Variants in PDE11A observed in about 807,000 individuals in gnomAD.
PDE11A encodes the protein dual 3',5'-cyclic-AMP and -GMP phosphodiesterase 11A.
A neutral mutation model predicts 100.5 loss-of-function variants in PDE11A; 100 were observed. The ratio of observed to expected loss-of-function variants is 1.00; its 90% confidence interval spans 0.85 to 1.18. The LOEUF (loss-of-function observed/expected upper bound fraction) is 1.18, where lower values mean the gene tolerates loss of function less well. Among genes scored for constraint, PDE11A ranks in the 50% most tolerant of loss-of-function variants. The pLI is 0.00. For synonymous variants in PDE11A, 381 were observed against 420.8 expected, an observed-to-expected ratio of 0.91 and a Z score of 1.16; for missense variants, 1,141 against 1,152.6, an observed-to-expected ratio of 0.99 and a Z score of 0.15.
intron 19 of PDE11A, among the ~76,000 whole-genome samples, chr2:177,641,974 T>A (rs190007132): frequency 1.2e-3 from 181 of 152,266 alleles, no homozygotes; most frequent in Admixed American, 3.9e-3. Context: ...AAAATCAGGC[T>A]CAGAAAGGCT....
chr2:177,799,369 T>C (rs1421564011), intron 9 of PDE11A, among the ~76,000 whole-genome samples: 3 of 152,186 alleles, frequency 2.0e-5, no homozygotes, highest in Non-Finnish European at 4.4e-5. Context: ...AAATGTACCA[T>C]ATCTTAATAG....
chr2:177,718,699 T>G (rs1398224383), intron 12 of PDE11A, among the ~76,000 whole-genome samples: 1 of 152,250 alleles, frequency 6.6e-6, no homozygotes, highest in Non-Finnish European at 1.5e-5. Flanking sequence ...TTATCAGTAG[T>G]GGAATTACAG....
intron 12 of PDE11A, among the ~76,000 whole-genome samples, chr2:177,714,321 A>G (rs1230289811): frequency 2.0e-5 from 3 of 152,158 alleles, no homozygotes; most frequent in Non-Finnish European, 4.4e-5. Context: ...TAGCATGCAC[A>G]TATTATTAGC....
At chr2:178,073,144 G>A, upstream of PDE11A, 1 of 858,354 alleles carries the variant, frequency 1.2e-6, no homozygotes, top group Non-Finnish European at 1.4e-6. Flanking sequence ...GCAGGGATCT[G>A]AACACAGAAG....
rs2085419694 is a variant in PDE11A at position 177,946,032 on chromosome 2, GCCCCGT to G, written c.1072-40851_1072-40846del. Among the ~76,000 whole-genome samples, 3 of 140,890 alleles carry G rather than the reference GCCCCGT, an allele frequency of 2.1e-5. No individual in the cohort carries two copies. The South Asian group carries it at 7.0e-4, about 33-fold the overall frequency. 92.4% of individuals were successfully genotyped at this position (140,890 alleles called of 152,430 possible). A position where few individuals can be genotyped will look rare whatever the true frequency, so the allele number is the denominator to read the frequency against. On this transcript the variant is annotated intron_variant, in intron 2 of 19. Coordinates refer to ENST00000286063, the MANE Select transcript of PDE11A (RefSeq NM_016953.4). ...GGTCAGCCCCCCCACCCGGCCAGCC[GCCCCGT>G]CCGGGAGGGAGGTGGGGGGGTCAGC...
intron 2 of PDE11A, among the ~76,000 whole-genome samples, chr2:177,995,116 A>T (rs1437808371): frequency 1.3e-5 from 2 of 152,222 alleles, no homozygotes; most frequent in Admixed American, 1.3e-4. Context: ...CTTAATGTTC[A>T]AATTTATTTA....
chr2:177,928,994 G>T (rs1386319514), intron 2 of PDE11A, among the ~76,000 whole-genome samples: 1 of 151,970 alleles, frequency 6.6e-6, no homozygotes, highest in South Asian at 2.1e-4. Context: ...CTTTTAGGTC[G>T]ACATGGGGGG....
At chr2:177,837,357 T>C (rs951503833) in intron 6 of PDE11A, among the ~76,000 whole-genome samples, 2 of 152,186 alleles carry the variant, frequency 1.3e-5, no homozygotes, top group African/African-American at 4.8e-5. Flanking sequence ...GCTTGCATCT[T>C]GTTTACATCC....
chr2:177,695,340 C>T (rs1456973403), intron 15 of PDE11A, among the ~76,000 whole-genome samples: 1 of 152,082 alleles, frequency 6.6e-6, no homozygotes, highest in Non-Finnish European at 1.5e-5. Flanking sequence ...TTCAAGTCCT[C>T]TCTTGTAGCT....
chr2:177,707,193 C>A (rs2081293234), intron 13 of PDE11A, among the ~76,000 whole-genome samples: 1 of 152,154 alleles, frequency 6.6e-6, no homozygotes, highest in Non-Finnish European at 1.5e-5. Context: ...TACTTACCTT[C>A]CTGAGGCTCA....
rs548932184 is a variant in PDE11A, at chr2:177,841,928, G to A, written c.1368-1545C>T. Among the ~76,000 whole-genome samples, 3 of 152,240 alleles carry A rather than the reference G, an allele frequency of 2.0e-5. No individual in the cohort carries two copies. The South Asian group carries it at 6.2e-4, about 32-fold the overall frequency. Reference sequence around the variant, plus strand: ...AAAAAGTTTTTATTTTCTTTTTGCTGTTTTATATGCATCTCATTTCATGAG... The same window carrying A: ...AAAAAGTTTTTATTTTCTTTTTGCTATTTTATATGCATCTCATTTCATGAG... On this transcript the variant is annotated intron_variant, in intron 5 of 19. Coordinates refer to ENST00000286063, the MANE Select transcript of PDE11A (RefSeq NM_016953.4).
intron 19 of PDE11A, among the ~76,000 whole-genome samples, chr2:177,654,098 T>C (rs988009347): frequency 6.6e-6 from 1 of 152,234 alleles, no homozygotes; most frequent in East Asian, 1.9e-4. Context: ...TTAATACTAT[T>C]AAATAAGTCA....
intron 2 of PDE11A, among the ~76,000 whole-genome samples, chr2:177,996,603 C>T (rs1448044922): frequency 2.0e-5 from 3 of 152,042 alleles, no homozygotes; most frequent in Non-Finnish European, 4.4e-5. Context: ...AAAAGTTAAG[C>T]AAGCAGTGCA....
At chr2:177,947,305 G>A (rs369474953) in intron 2 of PDE11A, among the ~76,000 whole-genome samples, 19,938 of 143,236 alleles carry the variant, frequency 0.14, 1,365 homozygotes, top group Middle Eastern at 0.24. Context: ...GATGACAATG[G>A]CGGCTTTGTG....
intron 17 of PDE11A, among the ~76,000 whole-genome samples, chr2:177,673,887 T>C (rs910248301): frequency 4.6e-5 from 7 of 152,200 alleles, no homozygotes; most frequent in Non-Finnish European, 1.0e-4. Context: ...TGCAAGACCT[T>C]CCAGGGCCTC....
chr2:177,855,903 AACACAC>A (rs57202805), intron 5 of PDE11A, among the ~76,000 whole-genome samples: 49,273 of 139,328 alleles, frequency 0.35, 9,017 homozygotes, highest in East Asian at 0.43. Flanking sequence ...GAACGTATGC[AACACAC>A]ACACACACAC....
chr2:177,823,659 G>C (rs2083180868), intron 6 of PDE11A, among the ~76,000 whole-genome samples: 1 of 152,092 alleles, frequency 6.6e-6, no homozygotes, highest in Non-Finnish European at 1.5e-5. Context: ...AAACAAACTG[G>C]TTTTCTTCCC....
intron 10 of PDE11A, among the ~76,000 whole-genome samples, chr2:177,735,461 G>A (rs957062499): frequency 2.0e-5 from 3 of 151,962 alleles, no homozygotes; most frequent in African/African-American, 2.4e-5. Flanking sequence ...AGGAATGAGC[G>A]TATGAGATGC....
intron 2 of PDE11A, among the ~76,000 whole-genome samples, chr2:177,948,367 C>T (rs144782779): frequency 6.6e-6 from 1 of 152,140 alleles, no homozygotes; most frequent in African/African-American, 2.4e-5. Flanking sequence ...ATATACCTGT[C>T]GAATTCTTTT....
Sources: allele counts gnomAD v4.1 joint callset (sites outside exome capture counted in the v4.1 genomes callset), GRCh38; gene constraint gnomAD v4.1.1; transcripts MANE v1.5; gene names NCBI Gene and HGNC (gene_info 2026-07-23, HGNC 2026-07-21).